PGAM5: variants seen among roughly 807,000 people sequenced by gnomAD.
PGAM5 encodes serine/threonine-protein phosphatase PGAM5, mitochondrial.
PGAM5 carries 25 observed loss-of-function variants against 30.6 expected under a neutral mutation model. The ratio of observed to expected loss-of-function variants is 0.82; its 90% CI spans 0.60 to 1.14. The LOEUF is 1.14. Among genes scored for constraint, PGAM5 ranks in the 50% most tolerant of loss-of-function variants. The probability of loss-of-function intolerance (pLI) is 0.00; values close to 1 mark genes in which losing one functional copy is unlikely to be tolerated. For missense variants in PGAM5, 384 were observed against 408.5 expected (o/e 0.94, Z 0.52); for synonymous variants, 201 against 179.1 (o/e 1.12, Z -0.98).
rs991822965 is a variant in PGAM5 at position 132,719,198 on chromosome 12, G to A, written c.719+1078G>A. The A allele has an allele frequency of 6.0e-6, 7 of 1,167,984 alleles. No homozygotes were observed. In the South Asian group the frequency reaches 1.3e-4, roughly 21 times the overall value. 72.4% of individuals were successfully genotyped at this position (1,167,984 alleles called of 1,614,324 possible). On this transcript the variant is annotated intron_variant, in intron 5 of 5. Coordinates refer to ENST00000498926, the MANE Select transcript of PGAM5 (RefSeq NM_001170543.2). Reference sequence around the variant, plus strand: ...CTCTTCTCTGGATCCATTAGGAAATGTGTGTGTGGGCTCCGCAGCTGAGGG... The same window carrying A: ...CTCTTCTCTGGATCCATTAGGAAATATGTGTGTGGGCTCCGCAGCTGAGGG...
chr12:132,718,092 G>A lies in PGAM5; in HGVS notation c.691G>A (p.Ala231Thr), dbSNP rs1433206127. 2.5e-6 allele frequency: 4 copies of A among 1,612,758 alleles called. No homozygotes were observed. Among genetic ancestry groups the A allele is most frequent in the East Asian group, 2.2e-5 (1 of 44,820 alleles). ...EDSYEIFICH[A>T]NVIRYIVCRA... ...CAGTTACGAGATCTTCATCTGTCACGCCAACGTCATCCGCTACATCGTGTG... is the reference window on the plus strand; with the variant it reads ...CAGTTACGAGATCTTCATCTGTCACACCAACGTCATCCGCTACATCGTGTG... Residue 231 changes from alanine to threonine, a missense_variant, in exon 5 of 6, where the codon GCC becomes ACC. Transcript: ENST00000498926.
Position 132,720,170 on chromosome 12 carries a change from G to A in PGAM5, c.720-508G>A, listed in dbSNP as rs574481351. On this transcript the variant is annotated intron_variant, in intron 5 of 5. Coordinates refer to ENST00000498926, the MANE Select transcript of PGAM5 (RefSeq NM_001170543.2). ...CGAGAAGCCCCGACTGAAGACAGGA[G>A]CGGCTCGGCTGATGTGTACCCCGGC... 5.7e-5 allele frequency among the ~76,000 whole-genome samples: 7 copies of A among 123,174 alleles called. No homozygotes were observed. In the South Asian group the frequency reaches 1.1e-3, roughly 19 times the overall value. 80.8% of individuals were successfully genotyped at this position (123,174 alleles called of 152,430 possible).
rs772403405 is a variant in PGAM5, at chr12:132,717,789, G to C, written c.576G>C (p.Pro192=). The C allele has an allele frequency of 1.9e-6, 3 of 1,585,556 alleles. No homozygotes were observed. The highest frequency in any genetic ancestry group is 1.1e-5 in the South Asian group (1 of 88,032). The change falls in exon 4 of 6, where the codon CCG becomes CCC. Residue 192 remains proline, a synonymous_variant. Transcript: ENST00000498926. ...EPDPPVSHWK[P]EAVQYYEDGA... ...ACCCGCCCGTGTCTCATTGGAAGCC[G>C]GAAGCTGTGGTAAAAACCTCCCCGG...
intron 3 of PGAM5, 58 bp downstream of exon 3, chr12:132,717,622 C>G (rs2043594451): frequency 1.3e-6 from 2 of 1,597,848 alleles, no homozygotes; most frequent in African/African-American, 2.7e-5. Context: ...GTGGCAGGGC[C>G]CCGGCCTGAG....
At chr12:132,715,916 C>T (rs1171931133) in intron 2 of PGAM5, among the ~76,000 whole-genome samples, 1 of 152,076 alleles carries the variant, frequency 6.6e-6, no homozygotes, top group African/African-American at 2.4e-5. Flanking sequence ...AAATGTTGGA[C>T]AGATCTTGTT....
intron 1 of PGAM5, 66 bp downstream of exon 1, chr12:132,711,133 C>CGG: frequency 1.8e-6 from 2 of 1,133,840 alleles, no homozygotes; most frequent in Non-Finnish European, 1.1e-6. Flanking sequence ...CCGTTGGGAT[C>CGG]GAGATCGGGA....
intron 5 of PGAM5, chr12:132,718,969 A>G (rs774726421): frequency 8.4e-5 from 125 of 1,480,778 alleles, no homozygotes; most frequent in Non-Finnish European, 1.1e-4. Context: ...CTGGTGCCCC[A>G]CTCTCAGCAC....
At chr12:132,717,685 A>G (rs2043595311) in intron 3 of PGAM5, 25 bp from the exon 4 acceptor site, 1 of 1,564,350 alleles carries the variant, frequency 6.4e-7, no homozygotes, top group African/African-American at 1.4e-5. Context: ...CGCCTCACCC[A>G]GCGCTTCGCT....
At chr12:132,717,021 C>T (rs1220339813) in intron 2 of PGAM5, among the ~76,000 whole-genome samples, 3 of 152,232 alleles carry the variant, frequency 2.0e-5, no homozygotes, top group Non-Finnish European at 4.4e-5. Flanking sequence ...GCTGTGTTGG[C>T]CTCCGCCATG....
intron 1 of PGAM5, among the ~76,000 whole-genome samples, chr12:132,713,782 C>T (rs1052380977): frequency 3.9e-5 from 6 of 152,072 alleles, no homozygotes; most frequent in Admixed American, 6.6e-5. Flanking sequence ...ATTCTCCCAC[C>T]TCAGCCTCCT....
chr12:132,717,204 C>G (rs933546982), intron 2 of PGAM5, among the ~76,000 whole-genome samples: 63 of 152,284 alleles, frequency 4.1e-4, no homozygotes, highest in African/African-American at 1.5e-3. Context: ...GGGGTGAAGA[C>G]AGTTGAGTGC....
intron 2 of PGAM5, among the ~76,000 whole-genome samples, chr12:132,715,789 G>A (rs1565998775): frequency 6.6e-6 from 1 of 151,858 alleles, no homozygotes; most frequent in Non-Finnish European, 1.5e-5. Flanking sequence ...TGAGACAGGA[G>A]AATTGCTTGA....
At position 132,717,871 on chromosome 12, in the gene PGAM5, A is replaced by G. The variant is rs2043598342; in HGVS notation, c.585+73A>G. On this transcript the variant is annotated intron_variant, in intron 4 of 5. Coordinates refer to ENST00000498926, the MANE Select transcript of PGAM5 (RefSeq NM_001170543.2). ...GCAAAGCGGCCCTGCTGGGCTCACCATCCACCACGTGCCCGGCCGTCCCAC... is the reference window on the plus strand; with the variant it reads ...GCAAAGCGGCCCTGCTGGGCTCACCGTCCACCACGTGCCCGGCCGTCCCAC... The G allele has an allele frequency of 2.5e-6, 4 of 1,592,550 alleles. 1 individual carries two copies. The highest frequency in any genetic ancestry group is 3.5e-5 in the Admixed American group (2 of 57,862).
chr12:132,711,045 G>A lies in PGAM5; in HGVS notation c.169G>A (p.Val57Ile), dbSNP rs956035625. The A allele has an allele frequency of 4.1e-6, 5 of 1,212,324 alleles. No individual in the cohort carries two copies. The African/African-American group carries it at 7.9e-5, about 19-fold the overall frequency. The allele number at this position is 1,212,324 out of a possible 1,614,324, so 75.1% of individuals were successfully genotyped here. The change falls in exon 1 of 6, where the codon GTC (valine) becomes ATC (isoleucine). Residue 57 changes from valine (V) to isoleucine (I), a missense_variant. Transcript: ENST00000498926. Reference sequence around the variant, plus strand: ...GGGGGGCGCGCGGCCGGGCCCCGGTGTCTGGGACCCCAACTGGGACAGGTG... The same window carrying A: ...GGGGGGCGCGCGGCCGGGCCCCGGTATCTGGGACCCCAACTGGGACAGGTG... ...WAGGARPGPG[V>I]WDPNWDRREP...
In PGAM5 at chr12:132,720,718, C is replaced by A. The variant is rs1172806128; in HGVS notation, c.760C>A (p.Leu254Ile). 2.0e-6 allele frequency: 3 copies of A among 1,536,314 alleles called. No homozygotes were observed. Among genetic ancestry groups the A allele is most frequent in the Non-Finnish European group, 2.6e-6 (3 of 1,146,872 alleles). Reference protein sequence around the residue: ...FPPEGWLRLSLNNGSITHLVI... With the variant: ...FPPEGWLRLSINNGSITHLVI... ...TCCTGAAGGCTGGCTCCGGCTCTCCCTCAATAATGGCAGCATCACCCACCT... is the reference window on the plus strand; with the variant it reads ...TCCTGAAGGCTGGCTCCGGCTCTCCATCAATAATGGCAGCATCACCCACCT... The change falls in exon 6 of 6, where the codon CTC (leucine) becomes ATC (isoleucine). Residue 254 changes from leucine (L) to isoleucine (I), a missense_variant. Physicochemically the swap from Leu to Ile is conservative, Grantham distance 5. Transcript: ENST00000498926.
At chr12:132,719,900 C>A (rs1449605149) in intron 5 of PGAM5, among the ~76,000 whole-genome samples, 1 of 151,876 alleles carries the variant, frequency 6.6e-6, no homozygotes, top group Non-Finnish European at 1.5e-5. Flanking sequence ...GCGGGTAGAT[C>A]CCATCTCCGT....
intron 3 of PGAM5, 68 bp downstream of exon 3, chr12:132,717,632 G>A: frequency 6.3e-7 from 1 of 1,593,556 alleles, no homozygotes; most frequent in Non-Finnish European, 8.6e-7. Flanking sequence ...CCCGGCCTGA[G>A]CTCCTGGCCA....
At chr12:132,718,250 G>A (rs543770652) in intron 5 of PGAM5, 130 bp downstream of exon 5, 35 of 1,200,782 alleles carry the variant, frequency 2.9e-5, no homozygotes, top group East Asian at 5.1e-5. Flanking sequence ...GCCCCCGGGC[G>A]TCCACTTCCC....
chr12:132,719,406 G>A (rs1280834932), intron 5 of PGAM5, among the ~76,000 whole-genome samples: 1 of 152,230 alleles, frequency 6.6e-6, no homozygotes, highest in East Asian at 1.9e-4. Flanking sequence ...TGTACGGGCC[G>A]AGATTCTCAA....
Sources: allele counts gnomAD v4.1 joint callset (sites outside exome capture counted in the v4.1 genomes callset), GRCh38; gene constraint gnomAD v4.1.1; transcripts MANE v1.5; gene names NCBI Gene and HGNC (gene_info 2026-07-23, HGNC 2026-07-21).